The following LDLRAD3 variants were observed in gnomAD, a reference collection of about 807,000 sequenced individuals.
LDLRAD3 encodes low-density lipoprotein receptor class A domain-containing protein 3.
In LDLRAD3, 20 loss-of-function variants were observed where a neutral mutation model predicts 29.4. That is an observed-to-expected ratio of 0.68 (90% CI 0.48 to 0.99). The LOEUF is 0.99. LDLRAD3 is among the 50% of genes least tolerant of loss of function. The pLI is 0.00. For missense variants in LDLRAD3, 420 were observed against 454.3 expected, an observed-to-expected ratio of 0.92 and a Z score of 0.69; for synonymous variants, 157 against 192.7, an observed-to-expected ratio of 0.81 and a Z score of 1.53.
At chr11:36,090,393 G>T (rs1268318939) in intron 3 of LDLRAD3, among the ~76,000 whole-genome samples, 1 of 152,116 alleles carries the variant, frequency 6.6e-6, no homozygotes, top group Non-Finnish European at 1.5e-5. Flanking sequence ...TTTCAGACAT[G>T]CAGAGTTTGA....
chr11:36,217,053 C>G (rs1337952639), intron 4 of LDLRAD3, among the ~76,000 whole-genome samples: 1 of 152,138 alleles, frequency 6.6e-6, no homozygotes, highest in Non-Finnish European at 1.5e-5. Context: ...AATAAAATGG[C>G]ACACTTCACA....
At chr11:35,954,614 T>C (rs1258812201) in intron 1 of LDLRAD3, among the ~76,000 whole-genome samples, 1 of 152,208 alleles carries the variant, frequency 6.6e-6, no homozygotes, top group Admixed American at 6.5e-5. Flanking sequence ...GAATGAAATT[T>C]ACCTGGCCAA....
chr11:35,970,621 T>G (rs1039908945), intron 1 of LDLRAD3, among the ~76,000 whole-genome samples: 1 of 152,224 alleles, frequency 6.6e-6, no homozygotes, highest in Non-Finnish European at 1.5e-5. Context: ...AGAAGAATAT[T>G]AACCCCATTT....
chr11:36,063,772 G>T (rs1310878081), intron 2 of LDLRAD3, among the ~76,000 whole-genome samples: 1 of 152,124 alleles, frequency 6.6e-6, no homozygotes, highest in Non-Finnish European at 1.5e-5. Flanking sequence ...ATCCATATGT[G>T]TACCCTTATG....
chr11:36,062,781 G>A (rs1033717846), intron 2 of LDLRAD3, among the ~76,000 whole-genome samples: 6 of 152,184 alleles, frequency 3.9e-5, no homozygotes, highest in East Asian at 3.8e-4. Flanking sequence ...CTTCCACCAC[G>A]ATTGTAAGTT....
At chr11:36,207,721 G>A (rs540340056) in intron 4 of LDLRAD3, among the ~76,000 whole-genome samples, 50 of 152,212 alleles carry the variant, frequency 3.3e-4, no homozygotes, top group African/African-American at 1.1e-3. Flanking sequence ...CACAACTCAC[G>A]GGAAAGGGAT....
chr11:36,227,721 T>G (rs1304539941), intron 5 of LDLRAD3, among the ~76,000 whole-genome samples: 1 of 152,220 alleles, frequency 6.6e-6, no homozygotes, highest in Non-Finnish European at 1.5e-5. Context: ...ATGAGGAAAC[T>G]GAGGCTCTGG....
intron 4 of LDLRAD3, among the ~76,000 whole-genome samples, chr11:36,191,538 G>GTCTCTCTCTCTCTCTCTCTC (rs751965155): frequency 1.1e-4 from 6 of 55,688 alleles, no homozygotes; most frequent in African/African-American, 2.3e-4. Context: ...GCAAGACCCT[G>GTCTCTCTCTCTCTCTCTCTC]TCTCTCTCTC....
intron 1 of LDLRAD3, among the ~76,000 whole-genome samples, chr11:35,998,289 G>T (rs890879701): frequency 2.6e-5 from 4 of 152,170 alleles, no homozygotes; most frequent in Admixed American, 6.5e-5. Flanking sequence ...ATCTGTTGTG[G>T]CAGAGAAAGG....
At position 35,983,096 on chromosome 11, in the gene LDLRAD3, T is replaced by C. The variant is rs186753061; in HGVS notation, c.46+38952T>C. Among the ~76,000 whole-genome samples, 4 of 152,202 alleles carry C rather than the reference T, an allele frequency of 2.6e-5. No homozygotes were observed. The East Asian group carries it at 7.7e-4, about 29-fold the overall frequency. ...CTTGAACTCCTGACCTCAAGTGATC[T>C]ACCCGCCTTGGCCTCCCAAGGTGTT... On this transcript the variant is annotated intron_variant, in intron 1 of 5. Coordinates refer to ENST00000315571, the MANE Select transcript of LDLRAD3 (RefSeq NM_174902.4).
chr11:35,953,076 C>G (rs981848989), intron 1 of LDLRAD3, among the ~76,000 whole-genome samples: 2 of 152,176 alleles, frequency 1.3e-5, no homozygotes, highest in Non-Finnish European at 2.9e-5. Flanking sequence ...GGATTTTAAA[C>G]TTACTCCCAA....
intron 2 of LDLRAD3, among the ~76,000 whole-genome samples, chr11:36,073,071 A>G (rs147188066): frequency 5.5e-4 from 84 of 152,340 alleles, no homozygotes; most frequent in African/African-American, 1.4e-3. Context: ...GGTATTAGTA[A>G]GTAGAGCTCA....
intron 4 of LDLRAD3, among the ~76,000 whole-genome samples, chr11:36,214,476 C>G (rs1855325969): frequency 6.6e-6 from 1 of 152,194 alleles, no homozygotes; most frequent in Admixed American, 6.5e-5. Context: ...AAGGAAGATT[C>G]TAGAAGGATG....
Position 36,008,992 on chromosome 11 carries a change from T to C in LDLRAD3, c.47-27111T>C, listed in dbSNP as rs116090097. 4.3e-3 allele frequency among the ~76,000 whole-genome samples: 653 copies of C among 152,336 alleles called. 5 individuals carry two copies. The highest frequency in any genetic ancestry group is 0.015 in the African/African-American group (607 of 41,582). On this transcript the variant is annotated intron_variant, in intron 1 of 5. Transcript: ENST00000315571. ...CCCTTTAATTGACCATTCTCTTACC[T>C]TCCTTTGTCTCCACATGGAGACACG...
intron 1 of LDLRAD3, among the ~76,000 whole-genome samples, chr11:35,992,210 A>T (rs769997524): frequency 2.0e-5 from 3 of 152,178 alleles, no homozygotes; most frequent in African/African-American, 7.2e-5. Context: ...GGCTGCATGA[A>T]CAAGAATGCA....
rs185283298 is a variant in LDLRAD3, at chr11:36,151,656, A to G, written c.454+53195A>G. Among the ~76,000 whole-genome samples, 20 of 151,908 alleles carry G rather than the reference A, an allele frequency of 1.3e-4. No individual in the cohort carries two copies. The East Asian group carries it at 3.9e-3, about 29-fold the overall frequency. ...CACTTTGAATTGTTTTTAGTCTTCC[A>G]CCTCCTCCATTGAGCTTGATAAATG... On this transcript the variant is annotated intron_variant, in intron 4 of 5. Transcript: ENST00000315571.
chr11:36,068,620 G>A (rs1301707697), intron 2 of LDLRAD3, among the ~76,000 whole-genome samples: 3 of 152,152 alleles, frequency 2.0e-5, no homozygotes, highest in Non-Finnish European at 2.9e-5. Context: ...GGGTTCAAGC[G>A]ATTCTCCTGC....
chr11:36,025,919 A>G (rs1333340058), intron 1 of LDLRAD3, among the ~76,000 whole-genome samples: 1 of 149,368 alleles, frequency 6.7e-6, no homozygotes, highest in Non-Finnish European at 1.5e-5. Flanking sequence ...AGCTGGGGTT[A>G]TAGGCATGCA....
intron 2 of LDLRAD3, among the ~76,000 whole-genome samples, chr11:36,037,751 A>G (rs1852323182): frequency 1.3e-5 from 2 of 152,168 alleles, no homozygotes; most frequent in African/African-American, 2.4e-5. Context: ...CGCCCATCCA[A>G]GGGGTCCCAT....
Sources: allele counts gnomAD v4.1 joint callset (sites outside exome capture counted in the v4.1 genomes callset), GRCh38; gene constraint gnomAD v4.1.1; transcripts MANE v1.5; gene names NCBI Gene and HGNC (gene_info 2026-07-23, HGNC 2026-07-21).